Variants in RBFOX1 observed in about 807,000 individuals in gnomAD.
RBFOX1 encodes RNA binding fox-1 homolog 1.
In RBFOX1, 8 loss-of-function variants were observed where a neutral mutation model predicts 57.7. The observed-to-expected ratio is 0.14, with a 90% confidence interval of 0.08 to 0.25. RBFOX1 has a LOEUF of 0.25. RBFOX1 is among the 10% of genes least tolerant of loss of function. The probability of loss-of-function intolerance (pLI) is 1.00; values close to 1 mark genes in which losing one functional copy is unlikely to be tolerated. For synonymous variants in RBFOX1, 326 were observed against 222.4 expected (o/e 1.47, Z -4.15); for missense variants, 611 against 548.5 (o/e 1.11, Z -1.14).
intron 3 of RBFOX1, among the ~76,000 whole-genome samples, chr16:6,805,144 A>G (rs1199171005): frequency 2.0e-5 from 3 of 152,158 alleles, no homozygotes; most frequent in Non-Finnish European, 4.4e-5. Flanking sequence ...ATCAACCTAA[A>G]GGCCCAGCAA....
intron 4 of RBFOX1, among the ~76,000 whole-genome samples, chr16:7,065,479 G>A (rs1598529104): frequency 6.6e-6 from 1 of 152,242 alleles, no homozygotes; most frequent in South Asian, 2.1e-4. Flanking sequence ...CTGCAGCAAA[G>A]CTGCCATCTA....
chr16:5,495,602 G>A (rs1386407344), intron 2 of RBFOX1, among the ~76,000 whole-genome samples: 1 of 152,170 alleles, frequency 6.6e-6, no homozygotes, highest in African/African-American at 2.4e-5. Context: ...ACTGGAGTGT[G>A]GGCCAAGCTG....
intron 4 of RBFOX1, among the ~76,000 whole-genome samples, chr16:7,448,577 C>G (rs149955707): frequency 6.6e-6 from 1 of 152,288 alleles, no homozygotes; most frequent in African/African-American, 2.4e-5. Context: ...CCGGGTCCCT[C>G]CCATGACACA....
chr16:7,653,450 G>A (rs1019585764), intron 11 of RBFOX1, among the ~76,000 whole-genome samples: 1 of 152,176 alleles, frequency 6.6e-6, no homozygotes, highest in Non-Finnish European at 1.5e-5. Flanking sequence ...AGGGTGCAGT[G>A]AGCCGTGATT....
chr16:7,160,836 TTCCTCCTCC>T (rs56757825), intron 4 of RBFOX1, among the ~76,000 whole-genome samples: 4 of 143,926 alleles, frequency 2.8e-5, no homozygotes, highest in African/African-American at 7.7e-5. Context: ...TCCCTCCTCC[TTCCTCCTCC>T]TCCTCCTCCT....
intron 1 of RBFOX1, among the ~76,000 whole-genome samples, chr16:5,386,500 C>G (rs1438285914): frequency 6.6e-6 from 1 of 152,074 alleles, no homozygotes; most frequent in Non-Finnish European, 1.5e-5. Context: ...TTCTGCTTTC[C>G]CCCCGTAAAT....
At chr16:7,163,232 A>G (rs1043611453) in intron 4 of RBFOX1, among the ~76,000 whole-genome samples, 1 of 152,068 alleles carries the variant, frequency 6.6e-6, no homozygotes, top group African/African-American at 2.4e-5. Flanking sequence ...CTACTGGCCA[A>G]TTTCTTTTGA....
intron 3 of RBFOX1, among the ~76,000 whole-genome samples, chr16:6,794,732 C>G (rs769679367): frequency 6.6e-6 from 1 of 152,102 alleles, no homozygotes; most frequent in Non-Finnish European, 1.5e-5. Flanking sequence ...AGCTTGGATC[C>G]AGTATTCTTC....
At chr16:6,238,496 G>C (rs1047953602) in intron 1 of RBFOX1, among the ~76,000 whole-genome samples, 2 of 152,110 alleles carry the variant, frequency 1.3e-5, no homozygotes, top group Admixed American at 6.6e-5. Flanking sequence ...ATGGTACTTC[G>C]CTGTGGTTTT....
At chr16:5,358,002 C>T (rs1026509363) in intron 1 of RBFOX1, among the ~76,000 whole-genome samples, 4 of 152,206 alleles carry the variant, frequency 2.6e-5, no homozygotes, top group Non-Finnish European at 4.4e-5. Flanking sequence ...GTACCTCAGA[C>T]TGGGTGGCTT....
chr16:7,238,013 AAAG>A (rs1470424220), intron 4 of RBFOX1, among the ~76,000 whole-genome samples: 1 of 152,158 alleles, frequency 6.6e-6, no homozygotes, highest in Non-Finnish European at 1.5e-5. Context: ...CAAAAAAAGA[AAAG>A]AGATGCTGAT....
chr16:7,649,588 C>A (rs2064515121), intron 11 of RBFOX1, among the ~76,000 whole-genome samples: 1 of 152,148 alleles, frequency 6.6e-6, no homozygotes, highest in Non-Finnish European at 1.5e-5. Context: ...GAGCAGGTCA[C>A]TTTGTACACA....
intron 4 of RBFOX1, among the ~76,000 whole-genome samples, chr16:5,881,149 C>A (rs2057751225): frequency 6.6e-6 from 1 of 152,182 alleles, no homozygotes; most frequent in South Asian, 2.1e-4. Flanking sequence ...TATCTAGGAA[C>A]CCCTGTAGAA....
chr16:6,755,361 C>G (rs1203181979), intron 3 of RBFOX1, among the ~76,000 whole-genome samples: 1 of 152,062 alleles, frequency 6.6e-6, no homozygotes, highest in Admixed American at 6.6e-5. Context: ...CTCTCCAGCA[C>G]CTGTTGTTTC....
intron 2 of RBFOX1, among the ~76,000 whole-genome samples, chr16:6,475,576 C>A (rs2095259669): frequency 1.3e-5 from 2 of 152,176 alleles, no homozygotes; most frequent in Admixed American, 1.3e-4. Flanking sequence ...AGAAATGTAA[C>A]CACAAGTCCA....
At chr16:5,646,110 A>G (rs915277140) in intron 3 of RBFOX1, among the ~76,000 whole-genome samples, 1 of 151,732 alleles carries the variant, frequency 6.6e-6, no homozygotes. Context: ...GCTCACTGCA[A>G]ACTCTGCCTC....
At chr16:6,193,375 T>TATATATACATTATATATATATATATAC (rs1555545321) in intron 1 of RBFOX1, among the ~76,000 whole-genome samples, 2 of 64,864 alleles carry the variant, frequency 3.1e-5, no homozygotes, top group African/African-American at 8.8e-5. Flanking sequence ...TATATATATA[T>TATATATACATTATATATATATATATAC]ACATTATATA....
chr16:6,273,591 C>T (rs998012339), intron 1 of RBFOX1, among the ~76,000 whole-genome samples: 25 of 152,026 alleles, frequency 1.6e-4, no homozygotes, highest in African/African-American at 5.1e-4. Context: ...GGTGATCCGC[C>T]CGCCTCGGCC....
Position 5,276,622 on chromosome 16 carries a change from A to C in RBFOX1, c.219+36517A>C, listed in dbSNP as rs928662781. ...ACATGGTGAAACCCCGTCTCTACTG[A>C]AAATACAAAAATTAGCCGGGCATGG... On this transcript the variant is annotated intron_variant, in intron 1 of 2. Coordinates refer to the RBFOX1 transcript ENST00000585867. Among the ~76,000 whole-genome samples the C allele has an allele frequency of 1.1e-4, 16 of 152,190 alleles. 1 individual carries two copies. The highest frequency in any genetic ancestry group is 3.9e-4 in the African/African-American group (16 of 41,446).
Sources: allele counts gnomAD v4.1 joint callset (sites outside exome capture counted in the v4.1 genomes callset), GRCh38; gene constraint gnomAD v4.1.1; transcripts MANE v1.5; gene names NCBI Gene and HGNC (gene_info 2026-07-23, HGNC 2026-07-21).